The following NRG1 variants were observed in gnomAD, a reference collection of about 807,000 sequenced individuals.
NRG1 encodes neuregulin 1, also known as pro-neuregulin-1, membrane-bound isoform.
In NRG1, 18 loss-of-function variants were observed where a neutral mutation model predicts 63.8. The ratio of observed to expected loss-of-function variants is 0.28; its 90% CI spans 0.19 to 0.42. NRG1 has a LOEUF of 0.42. Among genes scored for constraint, NRG1 ranks in the 10% least tolerant of loss-of-function variants. NRG1 has a pLI of 1.00. For synonymous variants in NRG1, 302 were observed against 301.3 expected (o/e 1.00, Z -0.02); for missense variants, 762 against 814.7 (o/e 0.94, Z 0.79).
intron 1 of NRG1, among the ~76,000 whole-genome samples, chr8:32,029,685 C>G (rs951683912): frequency 6.6e-5 from 10 of 152,164 alleles, no homozygotes; most frequent in African/African-American, 9.7e-5. Context: ...GGACTCATAT[C>G]GAGGTTTCTA....
intron 3 of NRG1, among the ~76,000 whole-genome samples, chr8:32,609,163 A>G (rs1034315680): frequency 6.6e-6 from 1 of 152,148 alleles, no homozygotes; most frequent in African/African-American, 2.4e-5. Flanking sequence ...AGTTTCCTGT[A>G]CATTAGAGGA....
At chr8:32,083,528 A>G (rs1827795668) in intron 1 of NRG1, among the ~76,000 whole-genome samples, 1 of 152,106 alleles carries the variant, frequency 6.6e-6, no homozygotes, top group Non-Finnish European at 1.5e-5. Context: ...CCAATAGGAG[A>G]TTTGGATCAT....
intron 1 of NRG1, among the ~76,000 whole-genome samples, chr8:32,178,179 A>C (rs958722922): frequency 1.3e-5 from 2 of 152,194 alleles, no homozygotes; most frequent in Non-Finnish European, 2.9e-5. Flanking sequence ...ATGGTTACTT[A>C]GATTGAGAGA....
intron 1 of NRG1, among the ~76,000 whole-genome samples, chr8:31,869,426 C>T (rs2129611392): frequency 6.6e-6 from 1 of 152,208 alleles, no homozygotes; most frequent in Admixed American, 6.5e-5. Flanking sequence ...CTGATGCAGC[C>T]TGTAATTTCC....
chr8:32,710,306 C>CT (rs1210931990), intron 5 of NRG1, among the ~76,000 whole-genome samples: 6 of 152,050 alleles, frequency 3.9e-5, no homozygotes, highest in South Asian at 4.1e-4. Context: ...TATAGAAATA[C>CT]TTTTTTTGTC....
chr8:32,134,195 A>C (rs1254863157), intron 1 of NRG1, among the ~76,000 whole-genome samples: 2 of 152,116 alleles, frequency 1.3e-5, no homozygotes, highest in African/African-American at 4.8e-5. Context: ...ATTTTTTTTA[A>C]ATATATGAAT....
intron 5 of NRG1, among the ~76,000 whole-genome samples, chr8:32,695,220 A>C (rs1265083960): frequency 1.3e-5 from 2 of 152,048 alleles, no homozygotes; most frequent in African/African-American, 4.8e-5. Flanking sequence ...GCATATCTGT[A>C]ATCCCAGCTA....
chr8:32,102,899 A>C (rs1472954872), intron 1 of NRG1, among the ~76,000 whole-genome samples: 10 of 151,730 alleles, frequency 6.6e-5, no homozygotes, highest in Non-Finnish European at 1.3e-4. Flanking sequence ...TTAATTTTTA[A>C]TTTCTAATTT....
At chr8:32,664,203 A>G (rs927504622) in intron 5 of NRG1, among the ~76,000 whole-genome samples, 4 of 152,254 alleles carry the variant, frequency 2.6e-5, no homozygotes, top group South Asian at 2.1e-4. Context: ...TCTGTCTTCC[A>G]GGAGCTTGGT....
intron 1 of NRG1, among the ~76,000 whole-genome samples, chr8:32,153,217 G>A (rs1454532149): frequency 1.3e-5 from 2 of 152,096 alleles, no homozygotes; most frequent in Non-Finnish European, 2.9e-5. Flanking sequence ...ACAGTACAGG[G>A]GCGAGCTTCC....
chr8:31,990,517 G>GT (rs1810883469), intron 1 of NRG1, among the ~76,000 whole-genome samples: 1 of 152,060 alleles, frequency 6.6e-6, no homozygotes, highest in East Asian at 1.9e-4. Flanking sequence ...GGCATTTCTA[G>GT]TTGCAGCATA....
chr8:31,676,500 G>A (rs568615165), intron 1 of NRG1, among the ~76,000 whole-genome samples: 1 of 152,180 alleles, frequency 6.6e-6, no homozygotes, highest in South Asian at 2.1e-4. Context: ...TTTAGGTGGG[G>A]CAGTGGTTCT....
intron 5 of NRG1, among the ~76,000 whole-genome samples, chr8:32,705,811 G>A (rs1329394491): frequency 6.6e-6 from 1 of 152,200 alleles, no homozygotes; most frequent in Non-Finnish European, 1.5e-5. Flanking sequence ...ATCTTGAATA[G>A]TTTGAAGTTA....
chr8:31,917,757 C>T (rs1833530154), intron 1 of NRG1, among the ~76,000 whole-genome samples: 1 of 152,074 alleles, frequency 6.6e-6, no homozygotes, highest in African/African-American at 2.4e-5. Flanking sequence ...TCATTGGTAT[C>T]TTGATGGGGA....
At chr8:32,498,540 C>T (rs1399476315) in intron 1 of NRG1, among the ~76,000 whole-genome samples, 6 of 152,092 alleles carry the variant, frequency 3.9e-5, no homozygotes, top group Non-Finnish European at 8.8e-5. Flanking sequence ...CACTCACTAT[C>T]GTGAGAACTC....
chr8:32,158,463 ATATATATATC>A (rs200146784), intron 1 of NRG1, among the ~76,000 whole-genome samples: 1 of 131,584 alleles, frequency 7.6e-6, no homozygotes, highest in African/African-American at 2.7e-5. Context: ...ATATATATAT[ATATATATATC>A]ATGTATATGT....
In NRG1 at chr8:32,742,112, A is replaced by G; in HGVS notation, c.633-563A>G. 1.3e-6 allele frequency: 2 copies of G among 1,515,270 alleles called. No homozygotes were observed. The highest frequency in any genetic ancestry group is 1.8e-6 in the Non-Finnish European group (2 of 1,090,592). The allele number at this position is 1,515,270 out of a possible 1,614,324, so 93.9% of individuals were successfully genotyped here. A position where few individuals can be genotyped will look rare whatever the true frequency, so the allele number is the denominator to read the frequency against. ...TAATCTGAAATTTGCTTTCTCCCCCAACTACAGCAACAATCACTACCACTT... is the reference window on the plus strand; with the variant it reads ...TAATCTGAAATTTGCTTTCTCCCCCGACTACAGCAACAATCACTACCACTT... On this transcript the variant is annotated intron_variant, in intron 6 of 11. Coordinates refer to ENST00000356819, the Ensembl canonical transcript of NRG1. This position sits in a 1 kb window ranked among gnomAD's most constrained non-coding sequence, Gnocchi z 4.2.
rs1193889989 is a variant in NRG1 at position 31,813,491 on chromosome 8, A to ATTTTC, written c.37+174085_37+174089dup. On this transcript the variant is annotated intron_variant, in intron 1 of 10. Coordinates refer to the NRG1 transcript ENST00000519301. ...TTTGATCATTGACTTTGCTACAGGA[A>ATTTTC]TTTTCTTTTCTTTTCTTTTCTTTTC... is the stretch of plus-strand genomic sequence containing the variant. 2.1e-3 allele frequency among the ~76,000 whole-genome samples: 239 copies of ATTTTC among 114,872 alleles called. 3 individuals are homozygous for ATTTTC. Among genetic ancestry groups the ATTTTC allele is most frequent in the Middle Eastern group, 5.7e-3 (1 of 174 alleles). The allele number at this position is 114,872 out of a possible 152,430, so 75.4% of individuals were successfully genotyped here.
At chr8:32,698,552 C>T (rs560044236) in intron 5 of NRG1, among the ~76,000 whole-genome samples, 2 of 152,228 alleles carry the variant, frequency 1.3e-5, no homozygotes, top group African/African-American at 4.8e-5. Context: ...AGCCCAGGCT[C>T]ATGAAAGAGG....
Sources: gnomAD v4.1 joint callset for allele counts (sites outside exome capture counted in the v4.1 genomes callset) on GRCh38, gnomAD v4.1.1 for gene constraint, Gnocchi (gnomAD v3.1) non-coding constraint, MANE v1.5 for transcripts, NCBI Gene and HGNC (gene_info 2026-07-23, HGNC 2026-07-21) for gene names.